The following CEBPZ variants were observed in gnomAD, a reference collection of about 807,000 sequenced individuals.
The protein encoded by CEBPZ is CCAAT/enhancer-binding protein zeta.
A neutral mutation model predicts 104.5 loss-of-function variants in CEBPZ; 78 were observed. That is an observed-to-expected ratio of 0.75 (90% CI 0.62 to 0.90). The LOEUF (loss-of-function observed/expected upper bound fraction) is 0.90. CEBPZ is among the 40% of genes least tolerant of loss of function. The pLI is 0.00. For missense variants in CEBPZ, 1,439 were observed against 1,233.5 expected (o/e 1.17, Z -2.50); for synonymous variants, 470 against 427.0 (o/e 1.10, Z -1.24).
intron 2 of CEBPZ, 27 bp from the exon 3 acceptor site, chr2:37,223,428 T>C (rs1373292710): frequency 1.9e-6 from 3 of 1,588,494 alleles, no homozygotes; most frequent in East Asian, 4.5e-5. Flanking sequence ...AGGTCAAATA[T>C]TTATGTATAA....
At position 37,229,003 on chromosome 2, in the gene CEBPZ, T is replaced by A; in HGVS notation, c.190A>T (p.Asn64Tyr). Residue 64 changes from asparagine (N) to tyrosine (Y), a missense_variant, in exon 2 of 16, where the codon AAT (asparagine) becomes TAT (tyrosine). Transcript: ENST00000234170. ...DYLMLATLDE[N>Y]EEVIDGGKKG... ...TTGCCTCCATCTATCACTTCCTCAT[T>A]CTCATCCAAAGTAGCCAGCATAAGG... 1 of 1,581,462 alleles carries A rather than the reference T, an allele frequency of 6.3e-7. No homozygotes were observed. The highest frequency in any genetic ancestry group is 8.6e-7 in the Non-Finnish European group (1 of 1,168,466).
chr2:37,210,651 T>C (rs1677692028), intron 13 of CEBPZ: 1 of 175,508 alleles, frequency 5.7e-6, no homozygotes, highest in South Asian at 1.4e-4. Context: ...GGGATAAGAG[T>C]ACACATTGGG....
In CEBPZ at chr2:37,228,637, G is replaced by C; in HGVS notation, c.556C>G (p.Leu186Val). 1 of 1,614,134 alleles carries C rather than the reference G, an allele frequency of 6.2e-7. No homozygotes were observed. Among genetic ancestry groups the C allele is most frequent in the Non-Finnish European group, 8.5e-7 (1 of 1,180,026 alleles). Residue 186 changes from leucine (L) to valine (V), a missense_variant, in exon 2 of 16, where the codon CTG becomes GTG. Leu to Val is a conservative substitution (Grantham distance 32). Coordinates refer to ENST00000234170, the MANE Select transcript of CEBPZ (RefSeq NM_005760.3). ...LLRPGGKWYD[L>V]EYSNEYSLKP... is the part of the protein sequence containing the mutation. ...AAAGAATATTCATTGCTGTACTCCA[G>C]ATCATACCATTTGCCTCCAGGCCTA...
chr2:37,208,402 A>G (rs1677609337), intron 13 of CEBPZ, among the ~76,000 whole-genome samples: 1 of 152,174 alleles, frequency 6.6e-6, no homozygotes, highest in Admixed American at 6.5e-5. Context: ...TCAACAAAAT[A>G]CTAGCTAACC....
At chr2:37,217,114 C>G in intron 5 of CEBPZ, 77 bp from the exon 6 acceptor site, 3 of 1,297,516 alleles carry the variant, frequency 2.3e-6, no homozygotes, top group Non-Finnish European at 3.3e-6. Context: ...TTAAGAAAAT[C>G]GGGCTGGGTG....
chr2:37,231,354 T>C (rs1011903295), intron 1 of CEBPZ, 58 bp downstream of exon 1: 3 of 1,605,756 alleles, frequency 1.9e-6, no homozygotes, highest in Non-Finnish European at 2.5e-6. Flanking sequence ...GCAGTCAGCC[T>C]AGCCACCTTC....
intron 13 of CEBPZ, among the ~76,000 whole-genome samples, chr2:37,208,350 A>T (rs1257810947): frequency 1.3e-5 from 2 of 152,130 alleles, no homozygotes; most frequent in African/African-American, 4.8e-5. Flanking sequence ...ACAAAAGAAA[A>T]CTAGAGACCA....
At position 37,201,808 on chromosome 2, in the gene CEBPZ, T is replaced by G; in HGVS notation, c.3121A>C (p.Lys1041Gln). ...IIKKKKHFKK[K>Q]RIKTTQKTKK... Reference sequence around the variant, plus strand: ...GTTTTTTGAGTGGTTTTAATCCTCTTCTTTTTAAAATGTTTCTTTTTCTTG... The same window carrying G: ...GTTTTTTGAGTGGTTTTAATCCTCTGCTTTTTAAAATGTTTCTTTTTCTTG... The change falls in exon 16 of 16, where the codon AAG becomes CAG. Residue 1041 changes from lysine to glutamine, a missense_variant. Transcript: ENST00000234170. 1 of 1,582,348 alleles carries G rather than the reference T, an allele frequency of 6.3e-7. No individual in the cohort carries two copies. The highest frequency in any genetic ancestry group is 1.7e-5 in the Admixed American group (1 of 59,982).
At position 37,222,491 on chromosome 2, in the gene CEBPZ, T is replaced by G. The variant is rs1034070531; in HGVS notation, c.1954A>C (p.Lys652Gln). 6.2e-7 allele frequency: 1 copy of G among 1,611,044 alleles called. No homozygotes were observed. The part of the protein sequence containing the change: ...EDMEKFTDAD[K>Q]ETEIVKKLET... ...AGTTTTTTCACTATCTCTGTTTCTT[T>G]GTCTGCATCAGTGAATTTTTCCATG... Residue 652 changes from lysine (K) to glutamine (Q), a missense_variant, in exon 4 of 16, where the codon AAA becomes CAA. Lys to Gln is a moderately conservative substitution (Grantham distance 53, BLOSUM62 1). Coordinates refer to ENST00000234170, the MANE Select transcript of CEBPZ (RefSeq NM_005760.3).
intron 10 of CEBPZ, chr2:37,212,714 G>T: frequency 3.2e-6 from 1 of 307,848 alleles, no homozygotes. Context: ...AACTACTTAA[G>T]TGCTCATTTT....
At chr2:37,210,900 A>C in intron 13 of CEBPZ, 99 bp downstream of exon 13, 2 of 593,734 alleles carry the variant, frequency 3.4e-6, no homozygotes, top group Non-Finnish European at 5.1e-6. Context: ...CCACCCCTGA[A>C]TTTTATTAAT....
At chr2:37,229,089 A>G in intron 1 of CEBPZ, 53 bp from the exon 2 acceptor site, 1 of 1,333,822 alleles carries the variant, frequency 7.5e-7, no homozygotes, top group Non-Finnish European at 9.9e-7. Flanking sequence ...AAATAAAACC[A>G]TAAAATAATA....
intron 13 of CEBPZ, among the ~76,000 whole-genome samples, chr2:37,207,395 T>G (rs774268562): frequency 6.6e-6 from 1 of 152,206 alleles, no homozygotes; most frequent in Non-Finnish European, 1.5e-5. Flanking sequence ...ATAGACCATA[T>G]GGTAGGCCAC....
chr2:37,231,377 G>C (rs755148486), intron 1 of CEBPZ, 35 bp downstream of exon 1: 1 of 1,612,528 alleles, frequency 6.2e-7, no homozygotes, highest in Non-Finnish European at 8.5e-7. Context: ...AACTCTCCAC[G>C]CCTGATCCCG....
chr2:37,227,349 A>G (rs1393153395), intron 2 of CEBPZ, among the ~76,000 whole-genome samples, 195 bp downstream of exon 2: 1 of 152,226 alleles, frequency 6.6e-6, no homozygotes, highest in African/African-American at 2.4e-5. Flanking sequence ...ATGTATTCAA[A>G]GCATCTAATA....
rs759409814 is a variant in CEBPZ at position 37,216,333 on chromosome 2, T to C, written c.2294A>G (p.Lys765Arg). The C allele has an allele frequency of 1.2e-6, 2 of 1,613,752 alleles. No homozygotes were observed. The highest frequency in any genetic ancestry group is 3.3e-5 in the Admixed American group (2 of 60,002). The change falls in exon 7 of 16, where the codon AAG becomes AGG. Residue 765 changes from lysine to arginine, a missense_variant. By Grantham distance (26) the Lys-to-Arg change is conservative. Coordinates refer to ENST00000234170, the MANE Select transcript of CEBPZ (RefSeq NM_005760.3). Reference protein sequence around the residue: ...FLDRFVYRNPKPHKGKENTDS... With the variant: ...FLDRFVYRNPRPHKGKENTDS... The stretch of plus-strand genomic sequence containing the variant: ...AAGCATACCTTTGCCTTTATGGGGC[T>C]TTGGATTTCGGTATACAAATCGATC...
chr2:37,227,477 G>A, intron 2 of CEBPZ, 67 bp downstream of exon 2: 2 of 1,462,480 alleles, frequency 1.4e-6, no homozygotes, highest in Non-Finnish European at 1.8e-6. Context: ...CCCACAGAGG[G>A]CACTGCTTGT....
chr2:37,222,543 A>G lies in CEBPZ; in HGVS notation c.1902T>C (p.Asn634=), dbSNP rs772183179. 2 of 1,586,234 alleles carry G rather than the reference A, an allele frequency of 1.3e-6. No homozygotes were observed. Among genetic ancestry groups the G allele is most frequent in the Admixed American group, 1.9e-5 (1 of 51,942 alleles). Residue 634 remains asparagine, a synonymous_variant, in exon 4 of 16, where the codon AAT becomes AAC. Coordinates refer to ENST00000234170, the MANE Select transcript of CEBPZ (RefSeq NM_005760.3). ...DDHPESDDEE[N]FIDANDDEDM... ...CTTCATCATCATTTGCATCAATAAA[A>G]TTTTCTTCATCATCAGACTCCTAAC...
In CEBPZ at chr2:37,223,379, T is replaced by A. The variant is rs1664813241; in HGVS notation, c.1672A>T (p.Met558Leu). 6.2e-7 allele frequency: 1 copy of A among 1,614,028 alleles called. No homozygotes were observed. Among genetic ancestry groups the A allele is most frequent in the Non-Finnish European group, 8.5e-7 (1 of 1,179,992 alleles). Residue 558 changes from methionine (M) to leucine (L), a missense_variant, in exon 3 of 16, where the codon ATG becomes TTG. Met to Leu is a conservative substitution (Grantham distance 15). Coordinates refer to ENST00000234170, the MANE Select transcript of CEBPZ (RefSeq NM_005760.3). Reference sequence around the variant, plus strand: ...AACATAGCTTGCTTGGAACACGTCATCAACCCTGGATCCAACATCTTCCTG... The same window carrying A: ...AACATAGCTTGCTTGGAACACGTCAACAACCCTGGATCCAACATCTTCCTG... The part of the protein sequence containing the change: ...LYRKMLDPGL[M>L]TCSKQAMFLN...
Sources: allele counts gnomAD v4.1 joint callset (sites outside exome capture counted in the v4.1 genomes callset), GRCh38; gene constraint gnomAD v4.1.1; transcripts MANE v1.5; gene names NCBI Gene and HGNC (gene_info 2026-07-23, HGNC 2026-07-21).